The following MDGA1 variants were observed in gnomAD, a reference collection of about 807,000 sequenced individuals.
MDGA1 encodes MAM domain-containing glycosylphosphatidylinositol anchor protein 1.
A neutral mutation model predicts 101.5 loss-of-function variants in MDGA1; 54 were observed. The ratio of observed to expected loss-of-function variants is 0.53; its 90% CI spans 0.43 to 0.67. The LOEUF is 0.67. Ranked by LOEUF, MDGA1 falls within the 30% of genes least tolerant of loss-of-function variation. The pLI, the probability that MDGA1 is intolerant of heterozygous loss-of-function variation, is 0.00. For synonymous variants in MDGA1, 533 were observed against 558.3 expected (o/e 0.95, Z 0.64); for missense variants, 1,083 against 1,323.8 (o/e 0.82, Z 2.82).
In MDGA1 at chr6:37,650,094, G is replaced by A. The variant is rs1344536544; in HGVS notation, c.1609+15C>T. ...GAAAGCTGGGAAGGTAGTCCGGGTG[G>A]CGTGGTGGACTCACACTGCACGTTC... On this transcript the variant is annotated intron_variant, in intron 8 of 16. Transcript: ENST00000434837. 6.2e-7 allele frequency: 1 copy of A among 1,611,214 alleles called. No homozygotes were observed. Among genetic ancestry groups the A allele is most frequent in the South Asian group, 1.1e-5 (1 of 90,974 alleles).
chr6:37,644,134 G>A (rs1265568712), intron 13 of MDGA1, among the ~76,000 whole-genome samples, 191 bp from the exon 14 acceptor site: 4 of 125,468 alleles, frequency 3.2e-5, no homozygotes, highest in Admixed American at 1.6e-4. Flanking sequence ...TCACCCCCAC[G>A]CATCCTGCCT....
At position 37,648,967 on chromosome 6, in the gene MDGA1, C is replaced by T; in HGVS notation, c.1894+15G>A. On this transcript the variant is annotated intron_variant, in intron 9 of 16. Coordinates refer to ENST00000434837, the MANE Select transcript of MDGA1 (RefSeq NM_153487.4). ...GTGGGCGTGGTAGGTGGGGCGGGAC[C>T]CACTGGACGCTCACCGGAGACCTGG... 2 of 1,549,498 alleles carry T rather than the reference C, an allele frequency of 1.3e-6. No individual in the cohort carries two copies. The highest frequency in any genetic ancestry group is 1.7e-6 in the Non-Finnish European group (2 of 1,147,974).
At chr6:37,672,194 T>C (rs966690737) in intron 1 of MDGA1, among the ~76,000 whole-genome samples, 2 of 151,512 alleles carry the variant, frequency 1.3e-5, no homozygotes, top group African/African-American at 4.9e-5. Context: ...CTCATGCTTG[T>C]AATCCCAACA....
chr6:37,683,464 C>T (rs1187461602), intron 1 of MDGA1, among the ~76,000 whole-genome samples: 2 of 152,234 alleles, frequency 1.3e-5, no homozygotes, highest in Non-Finnish European at 2.9e-5. Context: ...CACCCCCTCT[C>T]CTAAACACTT....
At chr6:37,676,375 C>T (rs1050170729) in intron 1 of MDGA1, among the ~76,000 whole-genome samples, 6 of 152,224 alleles carry the variant, frequency 3.9e-5, no homozygotes, top group African/African-American at 1.2e-4. Context: ...CCCAGTGAGG[C>T]AAAGGGATGG....
intron 1 of MDGA1, among the ~76,000 whole-genome samples, chr6:37,669,110 T>G (rs1429004318): frequency 6.6e-6 from 1 of 152,142 alleles, no homozygotes; most frequent in Non-Finnish European, 1.5e-5. Flanking sequence ...CCTCCCAAAG[T>G]GCTGGGATTA....
In MDGA1 at chr6:37,696,584, C is replaced by G. The variant is rs948930568; in HGVS notation, c.67+161G>C. 1.3e-5 allele frequency among the ~76,000 whole-genome samples: 2 copies of G among 152,202 alleles called. No homozygotes were observed. The highest frequency in any genetic ancestry group is 4.8e-5 in the African/African-American group (2 of 41,462). On this transcript the variant is annotated intron_variant, in intron 1 of 16. Transcript: ENST00000434837. This position sits in a 1 kb window ranked among gnomAD's most constrained non-coding sequence, Gnocchi z 5.6. ...GACCGGCCCCTGTGTTCCGAAGCAG[C>G]TAGCTCGGTCTCCACGCGCCCTGGA...
chr6:37,669,835 G>A (rs531938887), intron 1 of MDGA1, among the ~76,000 whole-genome samples: 1 of 152,366 alleles, frequency 6.6e-6, no homozygotes, highest in East Asian at 1.9e-4. Context: ...ATACTGTCAT[G>A]AAAAGCAAAC....
chr6:37,633,014 G>C lies in MDGA1; in HGVS notation c.*4354C>G, dbSNP rs373920720. ...AGGAGGGCAGTCCTATCCTAGGAGGGTCCCTGGGAAATGAGTGCAGGCAAC... is the reference window on the plus strand; with the variant it reads ...AGGAGGGCAGTCCTATCCTAGGAGGCTCCCTGGGAAATGAGTGCAGGCAAC... On this transcript the variant is annotated 3_prime_UTR_variant, in exon 17 of 17. Coordinates refer to ENST00000434837, the MANE Select transcript of MDGA1 (RefSeq NM_153487.4). 6.6e-6 allele frequency: 1 copy of C among 152,342 alleles called. No individual in the cohort carries two copies. Among genetic ancestry groups the C allele is most frequent in the African/African-American group, 2.4e-5 (1 of 41,384 alleles). 9.4% of individuals were successfully genotyped at this position (152,342 alleles called of 1,614,324 possible).
chr6:37,648,743 G>T, intron 9 of MDGA1: 2 of 666,560 alleles, frequency 3.0e-6, no homozygotes, highest in Non-Finnish European at 4.8e-6. Flanking sequence ...TGAGTGGAGG[G>T]GCGTGGCCCG....
chr6:37,673,351 T>A (rs1761910143), intron 1 of MDGA1, among the ~76,000 whole-genome samples: 1 of 152,218 alleles, frequency 6.6e-6, no homozygotes, highest in African/African-American at 2.4e-5. Context: ...TGTTTATTGA[T>A]CCTTTTATGC....
chr6:37,638,448 C>T lies in MDGA1; in HGVS notation c.2667+89G>A. 3 of 1,583,228 alleles carry T rather than the reference C, an allele frequency of 1.9e-6. No homozygotes were observed. The highest frequency in any genetic ancestry group is 1.7e-5 in the Admixed American group (1 of 58,940). On this transcript the variant is annotated intron_variant, in intron 15 of 16. Coordinates refer to ENST00000434837, the MANE Select transcript of MDGA1 (RefSeq NM_153487.4). This position sits in a 1 kb window ranked among gnomAD's most constrained non-coding sequence, Gnocchi z 4.8. The stretch of plus-strand genomic sequence containing the variant: ...ACCTGACTCTTTCCATCCTTAGCCC[C>T]CAGGAAGAAGGACAAGGTTTTCCTA...
rs1380892240 is a variant in MDGA1 at position 37,678,165 on chromosome 6, G to A, written c.68-14059C>T. Among the ~76,000 whole-genome samples the A allele has an allele frequency of 2.6e-5, 4 of 152,236 alleles. No homozygotes were observed. In the East Asian group the frequency reaches 7.7e-4, roughly 29 times the overall value. On this transcript the variant is annotated intron_variant, in intron 1 of 16. Transcript: ENST00000434837. ...CCCCCAGTACCCCCAAGGGTTGGGA[G>A]CCACTCCTCACCCCCTACACTTGTA...
At chr6:37,682,639 T>C (rs1252758731) in intron 1 of MDGA1, among the ~76,000 whole-genome samples, 1 of 152,200 alleles carries the variant, frequency 6.6e-6, no homozygotes, top group African/African-American at 2.4e-5. Flanking sequence ...CAGATTTCTC[T>C]CCTGACAAAT....
At chr6:37,671,181 A>C (rs564401277) in intron 1 of MDGA1, among the ~76,000 whole-genome samples, 5 of 152,336 alleles carry the variant, frequency 3.3e-5, no homozygotes, top group African/African-American at 1.2e-4. Flanking sequence ...GACGATTTTC[A>C]CTGTCAATTA....
intron 1 of MDGA1, among the ~76,000 whole-genome samples, chr6:37,685,829 A>G (rs971955111): frequency 6.6e-6 from 1 of 152,068 alleles, no homozygotes; most frequent in African/African-American, 2.4e-5. Context: ...TCTTCTGGGC[A>G]TCTTCAGAGC....
At chr6:37,695,327 T>C (rs1382195520) in intron 1 of MDGA1, among the ~76,000 whole-genome samples, 1 of 152,212 alleles carries the variant, frequency 6.6e-6, no homozygotes, top group Non-Finnish European at 1.5e-5. Context: ...GGCCAAGGCC[T>C]CCAGTACCTG....
At position 37,648,962 on chromosome 6, in the gene MDGA1, G is replaced by A. The variant is rs1439805487; in HGVS notation, c.1894+20C>T. On this transcript the variant is annotated intron_variant, in intron 9 of 16. Coordinates refer to ENST00000434837, the MANE Select transcript of MDGA1 (RefSeq NM_153487.4). The stretch of plus-strand genomic sequence containing the variant: ...CCCTGGTGGGCGTGGTAGGTGGGGC[G>A]GGACCCACTGGACGCTCACCGGAGA... The A allele has an allele frequency of 5.8e-6, 9 of 1,547,428 alleles. No individual in the cohort carries two copies. The highest frequency in any genetic ancestry group is 2.8e-5 in the African/African-American group (2 of 71,890).
intron 1 of MDGA1, among the ~76,000 whole-genome samples, chr6:37,670,426 G>A (rs13215128): frequency 0.013 from 1,907 of 152,282 alleles, 32 homozygotes; most frequent in Non-Finnish European, 0.016. Flanking sequence ...AAGTGGGAAG[G>A]GCTGGAGCCC....
Sources: gnomAD v4.1 joint callset for allele counts (sites outside exome capture counted in the v4.1 genomes callset) on GRCh38, gnomAD v4.1.1 for gene constraint, Gnocchi (gnomAD v3.1) non-coding constraint, MANE v1.5 for transcripts, NCBI Gene and HGNC (gene_info 2026-07-23, HGNC 2026-07-21) for gene names.